The following ELN variants were observed in gnomAD, a reference collection of about 807,000 sequenced individuals.
ELN encodes tropoelastin.
In ELN, 65 loss-of-function variants were observed where a neutral mutation model predicts 105.8. The observed-to-expected ratio is 0.61, with a 90% CI of 0.50 to 0.75. ELN has a LOEUF of 0.75. Ranked by LOEUF, ELN falls within the 30% of genes least tolerant of loss-of-function variation. The probability of loss-of-function intolerance (pLI) is 0.00; values close to 1 mark genes in which losing one functional copy is unlikely to be tolerated. For synonymous variants in ELN, 368 were observed against 389.2 expected (o/e 0.95, Z 0.64); for missense variants, 882 against 969.4 (o/e 0.91, Z 1.20).
chr7:74,063,575 C>T lies in ELN; in HGVS notation c.1919-46C>T. The T allele has an allele frequency of 6.2e-7, 1 of 1,613,898 alleles. No individual in the cohort carries two copies. Among genetic ancestry groups the T allele is most frequent in the Admixed American group, 1.7e-5 (1 of 60,016 alleles). ...GCCCTCCACAGGCCGAGGCTTCAGTCCCACCTTTCTGACCAGCGGAGTCTA... is the reference window on the plus strand; with the variant it reads ...GCCCTCCACAGGCCGAGGCTTCAGTTCCACCTTTCTGACCAGCGGAGTCTA... On this transcript the variant is annotated intron_variant, in intron 28 of 32. Coordinates refer to ENST00000252034, the MANE Select transcript of ELN (RefSeq NM_000501.4). This position sits in a 1 kb window ranked among gnomAD's most constrained non-coding sequence, Gnocchi z 4.1.
chr7:74,040,083 A>C (rs547912940), intron 4 of ELN, among the ~76,000 whole-genome samples: 1 of 152,224 alleles, frequency 6.6e-6, no homozygotes, highest in Non-Finnish European at 1.5e-5. Flanking sequence ...GCCACATGAC[A>C]GGATGCTCAG....
chr7:74,068,102 C>T (rs1286667376), intron 32 of ELN, among the ~76,000 whole-genome samples: 1 of 152,178 alleles, frequency 6.6e-6, no homozygotes, highest in Non-Finnish European at 1.5e-5. Context: ...CTAATACAGA[C>T]TGATGCCTTG....
chr7:74,037,485 C>T (rs1790245338), intron 3 of ELN, among the ~76,000 whole-genome samples: 1 of 152,202 alleles, frequency 6.6e-6, no homozygotes, highest in South Asian at 2.1e-4. Flanking sequence ...TGAGCCACCA[C>T]CCCCAGCCCA....
rs782004311 is a variant in ELN at position 74,036,621 on chromosome 7, G to T, written c.163+37G>T. 4 of 1,613,964 alleles carry T rather than the reference G, an allele frequency of 2.5e-6. No individual in the cohort carries two copies. The Admixed American group carries it at 6.7e-5, about 27-fold the overall frequency. On this transcript the variant is annotated intron_variant, in intron 3 of 32. Coordinates refer to ENST00000252034, the MANE Select transcript of ELN (RefSeq NM_000501.4). ...AACCACACTTGTTCATCACTGAAAG[G>T]GCCTGGGTTTCACCCGAGCCACATG...
chr7:74,065,642 C>A, intron 29 of ELN, 52 bp from the exon 30 acceptor site: 4 of 1,582,086 alleles, frequency 2.5e-6, no homozygotes, highest in South Asian at 1.1e-5. Flanking sequence ...AAAGACAGGG[C>A]CTGACAGGTG....
At position 74,035,394 on chromosome 7, in the gene ELN, C is replaced by G. The variant is rs781951450; in HGVS notation, c.113C>G (p.Pro38Arg). 4 of 1,613,966 alleles carry G rather than the reference C, an allele frequency of 2.5e-6. No homozygotes were observed. The highest frequency in any genetic ancestry group is 3.3e-5 in the Admixed American group (2 of 59,990). ...GVPGAIPGGV[P>R]GGVFYPGAGL... ...CCTGGGGCCATTCCTGGTGGAGTTC[C>G]TGGAGGAGTCTTTTATCCAGGTAAC... The change falls in exon 2 of 33, where the codon CCT becomes CGT. Residue 38 changes from proline to arginine, a missense_variant. Coordinates refer to ENST00000252034, the MANE Select transcript of ELN (RefSeq NM_000501.4).
In ELN at chr7:74,069,277, T is replaced by A. The variant is rs1184841794; in HGVS notation, c.*577T>A. 3 of 237,774 alleles carry A rather than the reference T, an allele frequency of 1.3e-5. No individual in the cohort carries two copies. The highest frequency in any genetic ancestry group is 5.3e-5 in the Admixed American group (1 of 18,764). The allele number at this position is 237,774 out of a possible 1,614,324, so 14.7% of individuals were successfully genotyped here. A position where few individuals can be genotyped will look rare whatever the true frequency, so the allele number is the denominator to read the frequency against. On this transcript the variant is annotated 3_prime_UTR_variant, in exon 33 of 33. Transcript: ENST00000252034. Reference sequence around the variant, plus strand: ...GCTGTTCCCCACATCTGGGGCGCTTTTGGGTTGGAAAACCACCCCACACTG... The same window carrying A: ...GCTGTTCCCCACATCTGGGGCGCTTATGGGTTGGAAAACCACCCCACACTG...
At chr7:74,051,599 G>C (rs1412145136) in intron 15 of ELN, 151 bp from the exon 16 acceptor site, 1 of 723,340 alleles carries the variant, frequency 1.4e-6, no homozygotes, top group African/African-American at 1.8e-5. Context: ...GAGTGGGGTG[G>C]GGGCCTCCCC....
rs759507028 is a variant in ELN at position 74,069,344 on chromosome 7, G to A, written c.*644G>A. The A allele has an allele frequency of 9.7e-5, 23 of 235,968 alleles. No individual in the cohort carries two copies. The highest frequency in any genetic ancestry group is 1.5e-4 in the Non-Finnish European group (18 of 119,454). The allele number at this position is 235,968 out of a possible 1,614,324, so 14.6% of individuals were successfully genotyped here. A position where few individuals can be genotyped will look rare whatever the true frequency, so the allele number is the denominator to read the frequency against. On this transcript the variant is annotated 3_prime_UTR_variant, in exon 33 of 33. Transcript: ENST00000252034. Reference sequence around the variant, plus strand: ...CCTTGTAGAATCCATCCGCCCATCCGTCCATTCATCCATCGGTCCGTCCAT... The same window carrying A: ...CCTTGTAGAATCCATCCGCCCATCCATCCATTCATCCATCGGTCCGTCCAT...
At chr7:74,062,468 C>A (rs782153273) in intron 26 of ELN, among the ~76,000 whole-genome samples, 4 of 152,250 alleles carry the variant, frequency 2.6e-5, no homozygotes, top group Non-Finnish European at 5.9e-5. Flanking sequence ...ACCTTTCCTG[C>A]TGCAATGCAT....
At chr7:74,066,902 G>A in intron 32 of ELN, 126 bp downstream of exon 32, 2 of 1,001,402 alleles carry the variant, frequency 2.0e-6, no homozygotes, top group Non-Finnish European at 3.1e-6. Context: ...ACAGCCTCAG[G>A]TCACACGAGG....
At chr7:74,038,157 G>A (rs1434077833) in intron 4 of ELN, 1 of 319,416 alleles carries the variant, frequency 3.1e-6, no homozygotes, top group East Asian at 7.9e-5. Context: ...CCCCTGAGTG[G>A]TCCCCTAGCC....
Position 74,063,663 on chromosome 7 carries a change from G to A in ELN, c.1961G>A (p.Gly654Glu), listed in dbSNP as rs1554686878. ...GGGCTCGGAGGACTCGGAGTCGGAG[G>A]GCTTGGAGTTCCAGGTGTTGGGGGC... Reference protein sequence around the residue: ...AAGLGGLGVGGLGVPGVGGLG... With the variant: ...AAGLGGLGVGELGVPGVGGLG... The change falls in exon 29 of 33, where the codon GGG becomes GAG. Residue 654 changes from glycine (G) to glutamate (E), a missense_variant. Physicochemically the swap from Gly to Glu is moderately conservative, Grantham distance 98 (BLOSUM62 -2). Transcript: ENST00000252034. The surrounding 1 kb of genome is among the most constrained non-coding windows in gnomAD (Gnocchi z 4.1). The A allele has an allele frequency of 5.0e-6, 8 of 1,613,808 alleles. No homozygotes were observed. Among genetic ancestry groups the A allele is most frequent in the Admixed American group, 3.3e-5 (2 of 59,936 alleles).
chr7:74,045,966 C>T, intron 10 of ELN: 1 of 585,300 alleles, frequency 1.7e-6, no homozygotes. Flanking sequence ...ACCTGGGAGG[C>T]AGAGGTTGCG....
At chr7:74,039,257 G>A (rs1262526940) in intron 4 of ELN, among the ~76,000 whole-genome samples, 2 of 152,222 alleles carry the variant, frequency 1.3e-5, no homozygotes, top group African/African-American at 4.8e-5. Flanking sequence ...TTAGACTTCT[G>A]AAAGAACTTC....
intron 4 of ELN, 47 bp from the exon 5 acceptor site, chr7:74,041,169 G>C (rs200388901): frequency 2.5e-6 from 4 of 1,613,378 alleles, no homozygotes; most frequent in Non-Finnish European, 3.4e-6. Flanking sequence ...TCCCACTCTG[G>C]GCCTAGGAAC....
chr7:74,034,582 G>A (rs1312850492), intron 1 of ELN, among the ~76,000 whole-genome samples: 1 of 152,216 alleles, frequency 6.6e-6, no homozygotes, highest in Non-Finnish European at 1.5e-5. Flanking sequence ...GTGCACGCCT[G>A]TAGTCCCAGC....
intron 8 of ELN, 151 bp downstream of exon 8, chr7:74,043,319 C>T (rs1163178885): frequency 7.5e-6 from 9 of 1,207,578 alleles, no homozygotes; most frequent in African/African-American, 1.5e-5. Flanking sequence ...CTGGTGCCTG[C>T]GTCTGTGAAA....
Position 74,060,507 on chromosome 7 carries a change from G to T in ELN, c.1747+6G>T. ...TGTTCCTGGCTTCGGGGCAGGTGCA[G>T]ATGAGGGAGTTAGGCGGAGCCTGTC... On this transcript the variant is annotated splice_donor_region_variant and intron_variant, in intron 25 of 32. Transcript: ENST00000252034. 1.2e-6 allele frequency: 2 copies of T among 1,614,244 alleles called. No individual in the cohort carries two copies. Among genetic ancestry groups the T allele is most frequent in the Non-Finnish European group, 1.7e-6 (2 of 1,180,044 alleles).
Sources: allele counts gnomAD v4.1 joint callset (sites outside exome capture counted in the v4.1 genomes callset), GRCh38; gene constraint gnomAD v4.1.1; non-coding constraint Gnocchi (gnomAD v3.1); transcripts MANE v1.5; gene names NCBI Gene and HGNC (gene_info 2026-07-23, HGNC 2026-07-21).